Variants in VWF observed in about 807,000 individuals in gnomAD.
VWF encodes Factor VIII related antigen.
In VWF, 176 loss-of-function variants were observed where a neutral mutation model predicts 308.6. The observed-to-expected ratio is 0.57, with a 90% CI of 0.50 to 0.65. The LOEUF (loss-of-function observed/expected upper bound fraction) is 0.65. Among genes scored for constraint, VWF ranks in the 30% least tolerant of loss-of-function variants. VWF has a pLI of 0.00. For missense variants in VWF, 3,146 were observed against 3,648.2 expected, an observed-to-expected ratio of 0.86 and a Z score of 3.55; for synonymous variants, 1,385 against 1,443.4, an observed-to-expected ratio of 0.96 and a Z score of 0.92.
At chr12:6,042,917 T>C (rs921767815) in intron 18 of VWF, among the ~76,000 whole-genome samples, 1 of 152,152 alleles carries the variant, frequency 6.6e-6, no homozygotes, top group African/African-American at 2.4e-5. Context: ...CAATGATCTA[T>C]GCTTTCCCCA....
At chr12:6,017,004 C>T in intron 28 of VWF, 134 bp from the exon 29 acceptor site, 2 of 919,316 alleles carry the variant, frequency 2.2e-6, no homozygotes, top group Non-Finnish European at 3.6e-6. Context: ...CGGGGGGTGC[C>T]TTCGTGAGTA....
In VWF at chr12:6,063,641, C is replaced by T. The variant is rs954630907; in HGVS notation, c.1433-587G>A. ...CTGTGTGCAATGCTAGGATAATGGG[C>T]GACAAAGTGGCCAGCAGTTGTGGAG... On this transcript the variant is annotated intron_variant, in intron 12 of 51. Transcript: ENST00000261405. This position sits in a 1 kb window ranked among gnomAD's most constrained non-coding sequence, Gnocchi z 4.9. 6.6e-6 allele frequency among the ~76,000 whole-genome samples: 1 copy of T among 152,146 alleles called. No individual in the cohort carries two copies. Among genetic ancestry groups the T allele is most frequent in the Non-Finnish European group, 1.5e-5 (1 of 68,024 alleles).
intron 11 of VWF, 94 bp downstream of exon 11, chr12:6,065,043 T>C (rs1470223513): frequency 3.2e-6 from 5 of 1,573,202 alleles, no homozygotes; most frequent in East Asian, 2.3e-5. Context: ...CAGAAAGCAA[T>C]GCCCCACGCC....
intron 39 of VWF, 107 bp from the exon 40 acceptor site, chr12:5,985,226 G>A: frequency 1.7e-6 from 2 of 1,176,004 alleles, no homozygotes; most frequent in Non-Finnish European, 2.5e-6. Flanking sequence ...GTTCTGTACG[G>A]TCATCCCACA....
At chr12:6,099,371 C>G (rs552119096) in intron 5 of VWF, among the ~76,000 whole-genome samples, 1 of 148,766 alleles carries the variant, frequency 6.7e-6, no homozygotes, top group South Asian at 2.2e-4. Flanking sequence ...TTAACCTAGT[C>G]TAAGTTCTGG....
intron 34 of VWF, among the ~76,000 whole-genome samples, chr12:5,996,940 G>A (rs936180890): frequency 1.1e-4 from 17 of 151,314 alleles, no homozygotes; most frequent in Admixed American, 9.2e-4. Flanking sequence ...TAAATGATTT[G>A]AAAGCTAATC....
chr12:6,045,189 G>A (rs1423327736), intron 17 of VWF, among the ~76,000 whole-genome samples: 1 of 152,190 alleles, frequency 6.6e-6, no homozygotes, highest in African/African-American at 2.4e-5. Flanking sequence ...ATGGCTAATT[G>A]GGTAATACTG....
At chr12:6,071,612 C>T (rs1944783535) in intron 9 of VWF, among the ~76,000 whole-genome samples, 2 of 152,164 alleles carry the variant, frequency 1.3e-5, no homozygotes, top group African/African-American at 4.8e-5. Flanking sequence ...CCCTGAAAAT[C>T]TACTCAGATA....
intron 9 of VWF, 64 bp downstream of exon 9, chr12:6,072,267 A>T: frequency 2.0e-6 from 3 of 1,502,632 alleles, no homozygotes; most frequent in Non-Finnish European, 2.8e-6. Context: ...ACCCCTGCTG[A>T]CCCAGCTTCC....
intron 20 of VWF, 30 bp from the exon 21 acceptor site, chr12:6,031,608 C>G: frequency 3.7e-6 from 6 of 1,613,826 alleles, no homozygotes; most frequent in Non-Finnish European, 5.1e-6. Context: ...AGGAGAAGAC[C>G]ATTATCCCCA....
Position 6,121,164 on chromosome 12 carries a change from C to T in VWF, c.220+10G>A, listed in dbSNP as rs759963044. ...CCTCTGAAGTCCTCCCTGCAGTGCC[C>T]AGAACTCACCAATAATCGAGAAGGA... On this transcript the variant is annotated intron_variant, in intron 3 of 51. Coordinates refer to ENST00000261405, the MANE Select transcript of VWF (RefSeq NM_000552.5). 2 of 1,614,112 alleles carry T rather than the reference C, an allele frequency of 1.2e-6. No individual in the cohort carries two copies. Among genetic ancestry groups the T allele is most frequent in the Non-Finnish European group, 1.7e-6 (2 of 1,180,026 alleles).
chr12:6,049,882 T>C (rs1027033927), intron 16 of VWF, among the ~76,000 whole-genome samples: 13 of 152,340 alleles, frequency 8.5e-5, no homozygotes, highest in Admixed American at 8.5e-4. Flanking sequence ...CCTTTGACCT[T>C]TGGCCTCTCT....
At chr12:6,038,744 G>C (rs1188036698) in intron 18 of VWF, among the ~76,000 whole-genome samples, 1 of 152,252 alleles carries the variant, frequency 6.6e-6, no homozygotes, top group Non-Finnish European at 1.5e-5. Context: ...TATTATAATA[G>C]GACCTTGATA....
intron 43 of VWF, among the ~76,000 whole-genome samples, chr12:5,973,062 T>A (rs528150409): frequency 1.4e-4 from 22 of 152,300 alleles, no homozygotes; most frequent in Middle Eastern, 6.8e-3. Context: ...CAGATGTCTG[T>A]TCCCACAGCC....
chr12:6,096,865 G>A (rs959724218), intron 5 of VWF, among the ~76,000 whole-genome samples: 1 of 152,168 alleles, frequency 6.6e-6, no homozygotes, highest in African/African-American at 2.4e-5. Context: ...AGAGAAGTAG[G>A]TCTCAAGGTC....
In VWF at chr12:5,993,660, T is replaced by C. The variant is rs1406376620; in HGVS notation, c.6598+202A>G. Among the ~76,000 whole-genome samples, 86 of 129,528 alleles carry C rather than the reference T, an allele frequency of 6.6e-4. No individual in the cohort carries two copies. The East Asian group carries it at 0.011, about 17-fold the overall frequency. The allele number at this position is 129,528 out of a possible 152,430, so 85.0% of individuals were successfully genotyped here. A position where few individuals can be genotyped will look rare whatever the true frequency, so the allele number is the denominator to read the frequency against. ...GTGTGTGTGTGTGTGTATATATATA[T>C]ATATACACACACACACATATACATA... is the stretch of plus-strand genomic sequence containing the variant. On this transcript the variant is annotated intron_variant, in intron 37 of 51. Transcript: ENST00000261405.
At chr12:6,064,413 G>T in intron 11 of VWF, 29 bp from the exon 12 acceptor site, 1 of 1,613,344 alleles carries the variant, frequency 6.2e-7, no homozygotes, top group Non-Finnish European at 8.5e-7. Flanking sequence ...GGGTGACTTT[G>T]CTGCACCCCC....
intron 34 of VWF, among the ~76,000 whole-genome samples, chr12:6,006,238 A>AT (rs1326540115): frequency 2.0e-5 from 3 of 152,174 alleles, no homozygotes; most frequent in Non-Finnish European, 4.4e-5. Context: ...CACAAAGAAA[A>AT]TATCTATAGA....
chr12:5,985,213 G>A, intron 39 of VWF, 94 bp from the exon 40 acceptor site: 1 of 1,315,364 alleles, frequency 7.6e-7, no homozygotes, highest in Non-Finnish European at 1.1e-6. Context: ...AAAACTAGTA[G>A]GAGTTCTGTA....
Sources: gnomAD v4.1 joint callset for allele counts (sites outside exome capture counted in the v4.1 genomes callset) on GRCh38, gnomAD v4.1.1 for gene constraint, Gnocchi (gnomAD v3.1) non-coding constraint, MANE v1.5 for transcripts, NCBI Gene and HGNC (gene_info 2026-07-23, HGNC 2026-07-21) for gene names.